Variants in SAMD3 observed in about 807,000 individuals in gnomAD.
SAMD3 encodes the protein sterile alpha motif domain containing 3.
Under a neutral mutation model 58.5 loss-of-function variants are expected in SAMD3, and 63 were observed. The observed-to-expected ratio is 1.08, with a 90% confidence interval of 0.88 to 1.33. The LOEUF (loss-of-function observed/expected upper bound fraction) is 1.33, where lower values mean the gene tolerates loss of function less well. SAMD3 is among the 40% of genes most tolerant of loss of function. The probability of loss-of-function intolerance (pLI) is 0.00; values close to 1 mark genes in which losing one functional copy is unlikely to be tolerated. For synonymous variants in SAMD3, 220 were observed against 210.3 expected, an observed-to-expected ratio of 1.05 and a Z score of -0.40; for missense variants, 604 against 608.4, an observed-to-expected ratio of 0.99 and a Z score of 0.08.
At chr6:130,319,163 CA>C (rs1324675221) in intron 1 of SAMD3, among the ~76,000 whole-genome samples, 2 of 151,948 alleles carry the variant, frequency 1.3e-5, no homozygotes, top group Non-Finnish European at 2.9e-5. Flanking sequence ...CAACTTCAAG[CA>C]AACTAATACA....
chr6:130,194,747 C>T (rs1230085740), intron 5 of SAMD3, among the ~76,000 whole-genome samples: 1 of 152,228 alleles, frequency 6.6e-6, no homozygotes, highest in Non-Finnish European at 1.5e-5. Flanking sequence ...CTCCCAGAGC[C>T]CATGGAACTC....
At chr6:130,341,409 A>AT (rs1341937898) in intron 1 of SAMD3, among the ~76,000 whole-genome samples, 1 of 152,234 alleles carries the variant, frequency 6.6e-6, no homozygotes, top group Non-Finnish European at 1.5e-5. Context: ...CTCACTTAAG[A>AT]ACCTGCTGAG....
Position 130,216,867 on chromosome 6 carries a change from C to T in SAMD3, c.-67-251G>A, listed in dbSNP as rs573923689. Among the ~76,000 whole-genome samples the T allele has an allele frequency of 2.0e-5, 3 of 152,268 alleles. No homozygotes were observed. The South Asian group carries it at 6.2e-4, about 32-fold the overall frequency. ...TTAAAAATCACACCTTTCTATCACA[C>T]TTCTGGCTTCCTTGCGAAGATTAGG... On this transcript the variant is annotated intron_variant, in intron 1 of 11. Transcript: ENST00000439090.
chr6:130,326,439 T>A (rs1263389869), intron 1 of SAMD3, among the ~76,000 whole-genome samples: 1 of 151,830 alleles, frequency 6.6e-6, no homozygotes, highest in African/African-American at 2.4e-5. Context: ...TTTAGTAACT[T>A]TTTTCTGAAG....
intron 1 of SAMD3, among the ~76,000 whole-genome samples, chr6:130,361,274 G>C (rs965961962): frequency 1.3e-5 from 2 of 152,108 alleles, no homozygotes. Context: ...TTAATTTGGG[G>C]GAACTAATAA....
chr6:130,162,928 C>G (rs968910363), intron 8 of SAMD3, among the ~76,000 whole-genome samples: 2 of 152,094 alleles, frequency 1.3e-5, no homozygotes, highest in Admixed American at 6.6e-5. Context: ...TAATTTTTAA[C>G]AAATTTAATT....
chr6:130,318,468 G>A (rs758001197), intron 1 of SAMD3, among the ~76,000 whole-genome samples: 13 of 151,962 alleles, frequency 8.6e-5, no homozygotes, highest in South Asian at 2.1e-4. Flanking sequence ...TCACTCTGTC[G>A]CCCAGGCTGG....
At chr6:130,305,199 G>A (rs141782333) in intron 2 of SAMD3, among the ~76,000 whole-genome samples, 1 of 152,012 alleles carries the variant, frequency 6.6e-6, no homozygotes, top group East Asian at 1.9e-4. Context: ...GCCTCCCAAA[G>A]TGTAAAATTA....
At chr6:130,183,191 ATC>A (rs1562409591) in intron 7 of SAMD3, 1 of 358,808 alleles carries the variant, frequency 2.8e-6, no homozygotes, top group African/African-American at 2.1e-5. Flanking sequence ...AATTAATTCA[ATC>A]TGAATCTCTA....
upstream of SAMD3, among the ~76,000 whole-genome samples, chr6:130,224,834 G>A (rs955083483): frequency 2.0e-5 from 3 of 151,940 alleles, no homozygotes; most frequent in Non-Finnish European, 4.4e-5. Context: ...TAGCCAGGAT[G>A]ATCTCGATCT....
chr6:130,145,402 A>C lies in SAMD3; in HGVS notation c.1216T>G (p.Cys406Gly), dbSNP rs776607929. The change falls in exon 11 of 12, where the codon TGT becomes GGT. Residue 406 changes from cysteine to glycine, a missense_variant. Cys to Gly is a radical substitution (Grantham distance 159, BLOSUM62 -3). Coordinates refer to ENST00000439090, the MANE Select transcript of SAMD3 (RefSeq NM_001017373.4). Reference protein sequence around the residue: ...MLKYMKMTATCLLLPDVFGDD... With the variant: ...MLKYMKMTATGLLLPDVFGDD... ...CCAAAAACATCTGGGAGGAGTAAAC[A>C]TGTGGCTGTCATCTTCATGTCTGTC... is the stretch of plus-strand genomic sequence containing the variant. 1 of 1,610,506 alleles carries C rather than the reference A, an allele frequency of 6.2e-7. No homozygotes were observed. The highest frequency in any genetic ancestry group is 8.5e-7 in the Non-Finnish European group (1 of 1,177,298).
chr6:130,290,419 C>A (rs964247125), intron 2 of SAMD3, among the ~76,000 whole-genome samples: 1 of 152,186 alleles, frequency 6.6e-6, no homozygotes, highest in African/African-American at 2.4e-5. Flanking sequence ...TTAGATGAGG[C>A]TCACCCATGA....
chr6:130,155,337 G>A (rs1418810718), intron 8 of SAMD3, among the ~76,000 whole-genome samples: 1 of 152,128 alleles, frequency 6.6e-6, no homozygotes, highest in Non-Finnish European at 1.5e-5. Flanking sequence ...TCATTTCTAT[G>A]CATTTCAATT....
chr6:130,362,982 T>C (rs984020914), intron 1 of SAMD3, among the ~76,000 whole-genome samples: 10 of 152,224 alleles, frequency 6.6e-5, no homozygotes, highest in African/African-American at 1.9e-4. Context: ...CCTTTTTCTT[T>C]ATCCTATATT....
At chr6:130,178,804 T>C (rs1791991813) in intron 7 of SAMD3, among the ~76,000 whole-genome samples, 1 of 152,194 alleles carries the variant, frequency 6.6e-6, no homozygotes, top group Non-Finnish European at 1.5e-5. Context: ...GTGCTGTTTG[T>C]AAAGTCCTTC....
chr6:130,208,481 A>C (rs917395986), intron 5 of SAMD3, among the ~76,000 whole-genome samples: 3 of 152,136 alleles, frequency 2.0e-5, no homozygotes, highest in Non-Finnish European at 4.4e-5. Context: ...ATTTATAGCC[A>C]CACCCCATCA....
rs561565466 is a variant in SAMD3 at position 130,340,738 on chromosome 6, T to C, written c.-304+24382A>G. Among the ~76,000 whole-genome samples the C allele has an allele frequency of 9.8e-5, 15 of 152,356 alleles. No individual in the cohort carries two copies. The East Asian group carries it at 2.5e-3, about 25-fold the overall frequency. On this transcript the variant is annotated intron_variant, in intron 1 of 13. Coordinates refer to the SAMD3 transcript ENST00000368134. ...AAAGAAAATACTAGGTCTGATCCAA[T>C]TGGATATTCTGATCATATTTATGTT...
chr6:130,211,950 G>A (rs896729494), intron 4 of SAMD3, among the ~76,000 whole-genome samples: 3 of 150,196 alleles, frequency 2.0e-5, no homozygotes, highest in Non-Finnish European at 3.0e-5. Flanking sequence ...CGGACCTAAA[G>A]TATCACTTAT....
chr6:130,292,864 C>T (rs1583060484), intron 2 of SAMD3, among the ~76,000 whole-genome samples: 2 of 143,712 alleles, frequency 1.4e-5, no homozygotes, highest in South Asian at 2.3e-4. Flanking sequence ...GTGATCTGCC[C>T]GCCTCGGCCT....
Sources: allele counts gnomAD v4.1 joint callset (sites outside exome capture counted in the v4.1 genomes callset), GRCh38; gene constraint gnomAD v4.1.1; transcripts MANE v1.5; gene names NCBI Gene and HGNC (gene_info 2026-07-23, HGNC 2026-07-21).